Variants in ADAP2 observed in about 807,000 individuals in gnomAD.
ADAP2 encodes arf-GAP with dual PH domain-containing protein 2.
In ADAP2, 42 loss-of-function variants were observed where a neutral mutation model predicts 54.9. That is an observed-to-expected ratio of 0.77 (90% confidence interval 0.60 to 0.99). The LOEUF (loss-of-function observed/expected upper bound fraction) is 0.99. Among genes scored for constraint, ADAP2 ranks in the 50% least tolerant of loss-of-function variants. The pLI is 0.00. For missense variants in ADAP2, 429 were observed against 480.4 expected, an observed-to-expected ratio of 0.89 and a Z score of 1.00; for synonymous variants, 177 against 180.1, an observed-to-expected ratio of 0.98 and a Z score of 0.14.
At chr17:30,942,137 C>T (rs2142552237) in intron 5 of ADAP2, among the ~76,000 whole-genome samples, 1 of 152,278 alleles carries the variant, frequency 6.6e-6, no homozygotes, top group African/African-American at 2.4e-5. Context: ...ATCTCTCAAC[C>T]TCGTGATCCA....
rs144638670 is a variant in ADAP2, at chr17:30,955,564, G to A, written c.883-677G>A. Among the ~76,000 whole-genome samples, 471 of 151,988 alleles carry A rather than the reference G, an allele frequency of 3.1e-3. 3 individuals are homozygous for A. The highest frequency in any genetic ancestry group is 4.0e-3 in the Non-Finnish European group (272 of 67,972). On this transcript the variant is annotated intron_variant, in intron 9 of 10. Coordinates refer to ENST00000330889, the MANE Select transcript of ADAP2 (RefSeq NM_018404.3). Reference sequence around the variant, plus strand: ...TCTACTAAAAATACAAAAATTAGCCGGACGTGGTGGTGCGTGCCTGTAAGC... The same window carrying A: ...TCTACTAAAAATACAAAAATTAGCCAGACGTGGTGGTGCGTGCCTGTAAGC...
At chr17:30,929,369 C>T (rs974996975) in intron 3 of ADAP2, among the ~76,000 whole-genome samples, 2 of 152,136 alleles carry the variant, frequency 1.3e-5, no homozygotes, top group East Asian at 1.9e-4. Flanking sequence ...TGTGCTGACT[C>T]GAGAGGGCCT....
intron 7 of ADAP2, among the ~76,000 whole-genome samples, chr17:30,950,675 T>C (rs1904562431): frequency 6.6e-6 from 1 of 152,162 alleles, no homozygotes; most frequent in African/African-American, 2.4e-5. Flanking sequence ...GGGAGCCAGT[T>C]GTCTGGAATA....
chr17:30,956,793 T>C, intron 10 of ADAP2: 1 of 315,494 alleles, frequency 3.2e-6, no homozygotes, highest in Non-Finnish European at 6.0e-6. Flanking sequence ...CCGTGCTCTA[T>C]GCTGATCCTT....
rs115429153 is a variant in ADAP2 at position 30,948,082 on chromosome 17, T to C, written c.658-1205T>C. ...AACCTGCGGGATAAGTGGAATGTTTTGCGTAAAAGGTGTGTGTGGGATGGA... is the reference window on the plus strand; with the variant it reads ...AACCTGCGGGATAAGTGGAATGTTTCGCGTAAAAGGTGTGTGTGGGATGGA... On this transcript the variant is annotated intron_variant, in intron 6 of 10. Transcript: ENST00000330889. Among the ~76,000 whole-genome samples the C allele has an allele frequency of 4.7e-3, 720 of 152,286 alleles. 8 individuals are homozygous for C. The highest frequency in any genetic ancestry group is 0.017 in the African/African-American group (693 of 41,558).
chr17:30,956,342 C>G lies in ADAP2; in HGVS notation c.984C>G (p.Ala328=), dbSNP rs377043166. ...GCATCCGAGGAAATCGCTGGAAAGC[C>G]GGACTCACCATTGTCACCCCAGAGC... The part of the protein sequence containing the change: ...PKGIRGNRWK[A]GLTIVTPERR... The change falls in exon 10 of 11, where the codon GCC becomes GCG. Residue 328 remains alanine (A), a synonymous_variant. Transcript: ENST00000330889. The G allele has an allele frequency of 6.2e-7, 1 of 1,614,220 alleles. No individual in the cohort carries two copies. The highest frequency in any genetic ancestry group is 8.5e-7 in the Non-Finnish European group (1 of 1,180,036).
At chr17:30,929,869 G>T (rs1301468399) in intron 3 of ADAP2, among the ~76,000 whole-genome samples, 1 of 151,744 alleles carries the variant, frequency 6.6e-6, no homozygotes, top group African/African-American at 2.4e-5. Context: ...GTTAATTTTT[G>T]TATTTTTGTT....
intron 3 of ADAP2, among the ~76,000 whole-genome samples, chr17:30,929,374 G>A (rs1324523226): frequency 1.3e-5 from 2 of 152,156 alleles, no homozygotes; most frequent in South Asian, 2.1e-4. Context: ...TGACTCGAGA[G>A]GGCCTGTCTC....
intron 10 of ADAP2, chr17:30,956,941 TG>T: frequency 6.0e-6 from 1 of 166,034 alleles, no homozygotes; most frequent in Non-Finnish European, 1.3e-5. Context: ...TCCTCCCTTC[TG>T]TCTGCCTCTC....
chr17:30,956,772 C>T, intron 10 of ADAP2: 2 of 415,326 alleles, frequency 4.8e-6, no homozygotes, highest in East Asian at 9.6e-5. Flanking sequence ...AGCAGCTTCT[C>T]TTTCCCTCCA....
chr17:30,943,918 C>T (rs1208795965), intron 5 of ADAP2, among the ~76,000 whole-genome samples: 1 of 151,934 alleles, frequency 6.6e-6, no homozygotes, highest in East Asian at 1.9e-4. Context: ...TGGCCGGGGG[C>T]GGTGGCTCAT....
At chr17:30,952,831 C>A (rs1904775095) in intron 7 of ADAP2, among the ~76,000 whole-genome samples, 1 of 152,166 alleles carries the variant, frequency 6.6e-6, no homozygotes, top group Non-Finnish European at 1.5e-5. Context: ...AATCTCAGCT[C>A]TTTGTGCTAC....
In ADAP2 at chr17:30,957,833, A is replaced by G; in HGVS notation, c.1112-2A>G. 3 of 1,613,830 alleles carry G rather than the reference A, an allele frequency of 1.9e-6. No individual in the cohort carries two copies. Among genetic ancestry groups the G allele is most frequent in the Non-Finnish European group, 2.5e-6 (3 of 1,179,916 alleles). On this transcript the variant is annotated splice_acceptor_variant, in intron 10 of 10. Transcript: ENST00000330889. LOFTEE classifies it high-confidence loss of function. ...CCTCAGCCCTCTTCATTTCCCTTGC[A>G]GCTGCATCAACAGAGAGTGGCCGCA... is the stretch of plus-strand genomic sequence containing the variant.
At chr17:30,948,379 G>A (rs1264882957) in intron 6 of ADAP2, among the ~76,000 whole-genome samples, 3 of 151,108 alleles carry the variant, frequency 2.0e-5, no homozygotes, top group South Asian at 2.1e-4. Context: ...CCTGGCTAAC[G>A]TGGTGAAACC....
Position 30,957,928 on chromosome 17 carries a change from T to C in ADAP2, c.*59T>C. The C allele has an allele frequency of 6.4e-7, 1 of 1,555,212 alleles. No individual in the cohort carries two copies. Among genetic ancestry groups the C allele is most frequent in the South Asian group, 1.1e-5 (1 of 87,412 alleles). ...CCTGGAACTCCTTGTGGGAAGAAGT[T>C]TGCACCTCGGCCCTGGCTGCCCACC... On this transcript the variant is annotated 3_prime_UTR_variant, in exon 11 of 11. Coordinates refer to ENST00000330889, the MANE Select transcript of ADAP2 (RefSeq NM_018404.3).
intron 2 of ADAP2, among the ~76,000 whole-genome samples, chr17:30,925,229 A>G (rs1598022404): frequency 8.4e-6 from 1 of 118,378 alleles, no homozygotes; most frequent in African/African-American, 3.5e-5. Context: ...TCTGTCACCC[A>G]GCCTGGAGTG....
At chr17:30,952,846 G>T (rs978335420) in intron 7 of ADAP2, among the ~76,000 whole-genome samples, 1 of 152,154 alleles carries the variant, frequency 6.6e-6, no homozygotes, top group Non-Finnish European at 1.5e-5. Flanking sequence ...TGCTACCAGT[G>T]ATGTGACTTT....
intron 7 of ADAP2, among the ~76,000 whole-genome samples, chr17:30,951,185 A>T (rs558672581): frequency 1.3e-5 from 2 of 152,152 alleles, no homozygotes; most frequent in Non-Finnish European, 2.9e-5. Flanking sequence ...CGCCATGGTG[A>T]CAGATGAGTG....
intron 6 of ADAP2, 50 bp from the exon 7 acceptor site, chr17:30,949,237 C>A: frequency 2.0e-6 from 3 of 1,516,732 alleles, no homozygotes; most frequent in Non-Finnish European, 2.7e-6. Context: ...TAGCTTCCCA[C>A]CCACCCCATC....
Sources: gnomAD v4.1 joint callset for allele counts (sites outside exome capture counted in the v4.1 genomes callset) on GRCh38, gnomAD v4.1.1 for gene constraint, MANE v1.5 for transcripts, NCBI Gene and HGNC (gene_info 2026-07-23, HGNC 2026-07-21) for gene names.